Variants in PLG observed in about 807,000 individuals in gnomAD.
PLG encodes plasminogen, also known as plasmin.
A neutral mutation model predicts 104.4 loss-of-function variants in PLG; 41 were observed. That is an observed-to-expected ratio of 0.39 (90% CI 0.31 to 0.51). The LOEUF (loss-of-function observed/expected upper bound fraction) is 0.51, where lower values mean the gene tolerates loss of function less well. Among genes scored for constraint, PLG ranks in the 20% least tolerant of loss-of-function variants. The pLI is 0.76. For synonymous variants in PLG, 337 were observed against 357.1 expected, an observed-to-expected ratio of 0.94 and a Z score of 0.63; for missense variants, 891 against 1,003.6, an observed-to-expected ratio of 0.89 and a Z score of 1.52.
At chr6:160,709,990 T>A (rs1018387409) in intron 3 of PLG, among the ~76,000 whole-genome samples, 1 of 152,200 alleles carries the variant, frequency 6.6e-6, no homozygotes, top group African/African-American at 2.4e-5. Context: ...TCTTCGAATA[T>A]GGGGTCACCA....
chr6:160,708,745 A>AT (rs1166006558), intron 3 of PLG: 2 of 152,216 alleles, frequency 1.3e-5, no homozygotes, highest in African/African-American at 4.8e-5. Context: ...TCTAAGTAGC[A>AT]TTTTAAATAG....
At position 160,731,061 on chromosome 6, in the gene PLG, A is replaced by G. The variant is rs1777991275; in HGVS notation, c.1267A>G (p.Met423Val). The G allele has an allele frequency of 1.2e-6, 2 of 1,613,824 alleles. No individual in the cohort carries two copies. Among genetic ancestry groups the G allele is most frequent in the Non-Finnish European group, 1.7e-6 (2 of 1,179,892 alleles). The change falls in exon 11 of 19, where the codon ATG (methionine) becomes GTG (valine). Residue 423 changes from methionine (M) to valine (V), a missense_variant. Transcript: ENST00000308192. This position sits in a 1 kb window ranked among gnomAD's most constrained non-coding sequence, Gnocchi z 5.1. ...PENYPNAGLT[M>V]NYCRNPDADK... ...TTTTGGAATTTCCAGTGGCCTGACA[A>G]TGAACTACTGCAGGAATCCAGATGC...
At position 160,739,332 on chromosome 6, in the gene PLG, G is replaced by T. The variant is rs950353019; in HGVS notation, c.2018+124G>T. On this transcript the variant is annotated intron_variant, in intron 16 of 18. Transcript: ENST00000308192. The surrounding 1 kb of genome is among the most constrained non-coding windows in gnomAD (Gnocchi z 4.4). ...ACTGTCTATCACATGAAAGGCTCAA[G>T]GGCTTTGGGGACAGCATCAATCTTC... 2 of 1,254,786 alleles carry T rather than the reference G, an allele frequency of 1.6e-6. No individual in the cohort carries two copies. The highest frequency in any genetic ancestry group is 2.3e-6 in the Non-Finnish European group (2 of 864,212). The allele number at this position is 1,254,786 out of a possible 1,614,324, so 77.7% of individuals were successfully genotyped here.
At position 160,740,961 on chromosome 6, in the gene PLG, A is replaced by G. The variant is rs975948893; in HGVS notation, c.2019-350A>G. Among the ~76,000 whole-genome samples the G allele has an allele frequency of 1.3e-5, 2 of 152,202 alleles. No homozygotes were observed. The highest frequency in any genetic ancestry group is 2.9e-5 in the Non-Finnish European group (2 of 68,034). On this transcript the variant is annotated intron_variant, in intron 16 of 18. Transcript: ENST00000308192. The surrounding 1 kb of genome is among the most constrained non-coding windows in gnomAD (Gnocchi z 5.2). ...AGTCAGACATTCCATGCACTGATCA[A>G]TGCCCTATTCGATTAATGTAAAAGG...
intron 2 of PLG, 41 bp from the exon 3 acceptor site, chr6:160,707,659 T>C: frequency 6.6e-7 from 1 of 1,518,626 alleles, no homozygotes; most frequent in Non-Finnish European, 9.1e-7. Context: ...TTTCTTTAAA[T>C]AAAGAAAAAT....
chr6:160,732,770 G>A lies in PLG; in HGVS notation c.1587+877G>A, dbSNP rs746452098. ...CAGCCAGACAGAAGAGATGCACGGG[G>A]CAAGGCATGTGAGAAGGGGCTCAGA... On this transcript the variant is annotated intron_variant, in intron 12 of 18. Coordinates refer to ENST00000308192, the MANE Select transcript of PLG (RefSeq NM_000301.5). This position sits in a 1 kb window ranked among gnomAD's most constrained non-coding sequence, Gnocchi z 4.5. 4.6e-5 allele frequency among the ~76,000 whole-genome samples: 7 copies of A among 152,178 alleles called. No homozygotes were observed. The highest frequency in any genetic ancestry group is 2.1e-4 in the South Asian group (1 of 4,818).
chr6:160,714,941 A>C, intron 6 of PLG, 27 bp downstream of exon 6: 1 of 1,609,018 alleles, frequency 6.2e-7, no homozygotes, highest in Non-Finnish European at 8.5e-7. Context: ...AAAACATTCC[A>C]TGTTTAATTA....
intron 4 of PLG, among the ~76,000 whole-genome samples, chr6:160,712,442 C>T (rs1268823384): frequency 6.6e-6 from 1 of 152,144 alleles, no homozygotes; most frequent in Non-Finnish European, 1.5e-5. Context: ...TCTTGATCTG[C>T]TTCTTCATAG....
Position 160,752,282 on chromosome 6 carries a change from A to G in PLG, c.2271+22A>G, listed in dbSNP as rs537137417. ...CCAGGTAAGCAAAGATCAAGAGACC[A>G]AAGTTAGTCTTGTGCTCTCTTGTCT... is the stretch of plus-strand genomic sequence containing the variant. On this transcript the variant is annotated intron_variant, in intron 18 of 18. Transcript: ENST00000308192. This position sits in a 1 kb window ranked among gnomAD's most constrained non-coding sequence, Gnocchi z 4.7. 7 of 1,610,166 alleles carry G rather than the reference A, an allele frequency of 4.3e-6. No individual in the cohort carries two copies. In the South Asian group the frequency reaches 5.5e-5, roughly 13 times the overall value.
chr6:160,713,224 G>A, intron 5 of PLG, 99 bp downstream of exon 5: 12 of 968,196 alleles, frequency 1.2e-5, no homozygotes, highest in Non-Finnish European at 2.0e-5. Context: ...TAATAATTGA[G>A]TAACGTATTC....
chr6:160,733,844 CAGAAAAAA>C (rs1199621884), intron 12 of PLG, 143 bp from the exon 13 acceptor site: 180 of 373,232 alleles, frequency 4.8e-4, no homozygotes, highest in Non-Finnish European at 8.0e-4. Context: ...AACTCCACCT[CAGAAAAAA>C]AAAAAAAAAA....
chr6:160,737,941 T>C lies in PLG; in HGVS notation c.1803-597T>C, dbSNP rs945587579. Among the ~76,000 whole-genome samples, 3 of 150,810 alleles carry C rather than the reference T, an allele frequency of 2.0e-5. No homozygotes were observed. The highest frequency in any genetic ancestry group is 7.4e-5 in the African/African-American group (3 of 40,462). ...CTGACTTATCAACATGCTACCATCA[T>C]GCACTTCCTATCTCTATTCCTCTTC... is the stretch of plus-strand genomic sequence containing the variant. On this transcript the variant is annotated intron_variant, in intron 14 of 18. Transcript: ENST00000308192. The surrounding 1 kb of genome is among the most constrained non-coding windows in gnomAD (Gnocchi z 4.7).
At position 160,718,376 on chromosome 6, in the gene PLG, C is replaced by G. The variant is rs763256179; in HGVS notation, c.870C>G (p.Thr290=). The G allele has an allele frequency of 1.2e-6, 2 of 1,613,426 alleles. No individual in the cohort carries two copies. Among genetic ancestry groups the G allele is most frequent in the South Asian group, 2.2e-5 (2 of 91,048 alleles). The part of the protein sequence containing the change: ...GENYRGNVAV[T]VSGHTCQHWS... Reference sequence around the variant, plus strand: ...ACTATCGCGGGAATGTGGCTGTTACCGTGTCCGGGCACACCTGTCAGCACT... The same window carrying G: ...ACTATCGCGGGAATGTGGCTGTTACGGTGTCCGGGCACACCTGTCAGCACT... Residue 290 remains threonine (T), a synonymous_variant, in exon 8 of 19, where the codon ACC becomes ACG. Transcript: ENST00000308192.
intron 10 of PLG, among the ~76,000 whole-genome samples, chr6:160,730,393 T>A (rs1171034742): frequency 6.6e-6 from 1 of 152,244 alleles, no homozygotes; most frequent in East Asian, 1.9e-4. Flanking sequence ...GCATCCTGCC[T>A]GGGAGCTAGT....
intron 9 of PLG, among the ~76,000 whole-genome samples, chr6:160,722,165 G>A (rs545204309): frequency 6.6e-6 from 1 of 152,264 alleles, no homozygotes; most frequent in Admixed American, 6.5e-5. Context: ...GCATGTAAGT[G>A]CAATTTCCAA....
chr6:160,721,439 T>C (rs1777825802), intron 9 of PLG, among the ~76,000 whole-genome samples: 1 of 152,220 alleles, frequency 6.6e-6, no homozygotes, highest in South Asian at 2.1e-4. Context: ...GGATTTGTGA[T>C]TGCTAGTTTT....
At position 160,723,136 on chromosome 6, in the gene PLG, CAT is replaced by C. The variant is rs771566098; in HGVS notation, c.1256+574_1256+575del. The stretch of plus-strand genomic sequence containing the variant: ...ATATATGTGTGTATATATATGTACA[CAT>C]ATATGTGTGTATATTAGAATATATA... On this transcript the variant is annotated intron_variant, in intron 10 of 18. Transcript: ENST00000308192. This position sits in a 1 kb window ranked among gnomAD's most constrained non-coding sequence, Gnocchi z 4.7. Among the ~76,000 whole-genome samples the C allele has an allele frequency of 9.3e-4, 140 of 150,274 alleles. No individual in the cohort carries two copies. Among genetic ancestry groups the C allele is most frequent in the Middle Eastern group, 3.6e-3 (1 of 280 alleles).
At chr6:160,722,771 GT>G (rs2115167400) in intron 10 of PLG, among the ~76,000 whole-genome samples, 1 of 152,294 alleles carries the variant, frequency 6.6e-6, no homozygotes, top group South Asian at 2.1e-4. Context: ...TTCCTGAGTA[GT>G]TTTATGGATG....
At chr6:160,750,618 C>G (rs1778386244) in intron 17 of PLG, among the ~76,000 whole-genome samples, 2 of 152,200 alleles carry the variant, frequency 1.3e-5, no homozygotes, top group African/African-American at 4.8e-5. Context: ...TAGGGCTGAG[C>G]TGGGCTCTGG....
Sources: allele counts gnomAD v4.1 joint callset (sites outside exome capture counted in the v4.1 genomes callset), GRCh38; gene constraint gnomAD v4.1.1; non-coding constraint Gnocchi (gnomAD v3.1); transcripts MANE v1.5; gene names NCBI Gene and HGNC (gene_info 2026-07-23, HGNC 2026-07-21).